Variants in NCOA1 observed in about 807,000 individuals in gnomAD.
NCOA1 encodes Hin-2 protein.
A neutral mutation model predicts 150.9 loss-of-function variants in NCOA1; 35 were observed. That is an observed-to-expected ratio of 0.23 (90% CI 0.18 to 0.31). The LOEUF (loss-of-function observed/expected upper bound fraction) is 0.31, where lower values mean the gene tolerates loss of function less well. Ranked by LOEUF, NCOA1 falls within the 10% of genes least tolerant of loss-of-function variation. The probability of loss-of-function intolerance (pLI) is 1.00; values close to 1 mark genes in which losing one functional copy is unlikely to be tolerated. For synonymous variants in NCOA1, 590 were observed against 630.0 expected (o/e 0.94, Z 0.95); for missense variants, 1,491 against 1,749.3 (o/e 0.85, Z 2.63).
intron 1 of NCOA1, among the ~76,000 whole-genome samples, chr2:24,506,762 C>A (rs1467547021): frequency 6.6e-6 from 1 of 152,064 alleles, no homozygotes; most frequent in Non-Finnish European, 1.5e-5. Context: ...ATTAAAAAAA[C>A]CTAGAAACAG....
chr2:24,717,080 C>T (rs1217130699), intron 14 of NCOA1, among the ~76,000 whole-genome samples: 1 of 152,130 alleles, frequency 6.6e-6, no homozygotes, highest in Non-Finnish European at 1.5e-5. Context: ...ACTCATATGT[C>T]ATTAGAAAAT....
At chr2:24,529,705 A>G (rs572686943) in intron 1 of NCOA1, among the ~76,000 whole-genome samples, 124 of 152,282 alleles carry the variant, frequency 8.1e-4, no homozygotes, top group African/African-American at 2.8e-3. Context: ...ACTTTTTAAC[A>G]CTTTCCTCCA....
At chr2:24,694,838 A>G (rs149359160) in intron 10 of NCOA1, among the ~76,000 whole-genome samples, 3 of 151,968 alleles carry the variant, frequency 2.0e-5, no homozygotes, top group Admixed American at 2.0e-4. Flanking sequence ...TTTTTTTTTA[A>G]TTATTGAAAA....
At chr2:24,496,932 T>A (rs1460747664) in intron 1 of NCOA1, among the ~76,000 whole-genome samples, 2 of 152,136 alleles carry the variant, frequency 1.3e-5, no homozygotes, top group African/African-American at 4.8e-5. Context: ...TAAAAAGGTA[T>A]TAATTAGGAA....
At chr2:24,541,983 T>C (rs1010082189) in intron 1 of NCOA1, among the ~76,000 whole-genome samples, 15 of 152,170 alleles carry the variant, frequency 9.9e-5, no homozygotes, top group African/African-American at 3.1e-4. Context: ...GAAAACAAAA[T>C]CATTAATATT....
At chr2:24,725,776 A>G (rs1674587559) in intron 14 of NCOA1, among the ~76,000 whole-genome samples, 1 of 151,710 alleles carries the variant, frequency 6.6e-6, no homozygotes, top group Non-Finnish European at 1.5e-5. Flanking sequence ...TTTTATATTA[A>G]TATATATGAA....
chr2:24,530,133 G>T (rs1352357862), intron 1 of NCOA1, among the ~76,000 whole-genome samples: 2 of 152,172 alleles, frequency 1.3e-5, no homozygotes, highest in Admixed American at 6.5e-5. Context: ...CATCACATTT[G>T]TAAGTCTTTT....
chr2:24,633,233 T>TA (rs1247904659), intron 3 of NCOA1, among the ~76,000 whole-genome samples: 10 of 150,874 alleles, frequency 6.6e-5, no homozygotes, highest in South Asian at 2.1e-4. Flanking sequence ...ATGGGATATT[T>TA]AAAAAAAAAC....
At chr2:24,603,300 G>A (rs910456596) in intron 3 of NCOA1, among the ~76,000 whole-genome samples, 6 of 152,170 alleles carry the variant, frequency 3.9e-5, no homozygotes. Flanking sequence ...AATGTTGATG[G>A]TTGCTGACTA....
rs1665198939 is a variant in NCOA1, at chr2:24,768,851, A to C, written c.*460A>C. 1 of 224,404 alleles carries C rather than the reference A, an allele frequency of 4.5e-6. No individual in the cohort carries two copies. Among genetic ancestry groups the C allele is most frequent in the Non-Finnish European group, 8.9e-6 (1 of 112,258 alleles). 13.9% of individuals were successfully genotyped at this position (224,404 alleles called of 1,614,324 possible). ...CCACCAAAGGCTGTCATGTGTCTCG[A>C]AATCAGCAGCCCTCCCCATCCCAAT... On this transcript the variant is annotated 3_prime_UTR_variant, in exon 23 of 23. Transcript: ENST00000348332.
In NCOA1 at chr2:24,693,027, A is replaced by AT. The variant is rs367877390; in HGVS notation, c.713-218dup. Among the ~76,000 whole-genome samples the AT allele has an allele frequency of 1.4e-3, 219 of 152,122 alleles. 1 individual carries two copies. The highest frequency in any genetic ancestry group is 4.9e-3 in the African/African-American group (203 of 41,500). On this transcript the variant is annotated intron_variant, in intron 9 of 22. Transcript: ENST00000348332. ...AGGCGCCCGCCACCATGCCCGGCTA[A>AT]TTTTTTTGTGTTTTTTAGTAGATAC...
At chr2:24,523,290 A>G (rs1211335906) in intron 1 of NCOA1, among the ~76,000 whole-genome samples, 1 of 152,128 alleles carries the variant, frequency 6.6e-6, no homozygotes, top group East Asian at 1.9e-4. Context: ...TTCTCCCCAT[A>G]CATCATGGGT....
At chr2:24,594,987 CA>C (rs1296368854) in intron 3 of NCOA1, among the ~76,000 whole-genome samples, 1 of 151,714 alleles carries the variant, frequency 6.6e-6, no homozygotes, top group Non-Finnish European at 1.5e-5. Flanking sequence ...TTAAATGGGC[CA>C]AATGTTTGTT....
chr2:24,540,530 C>T (rs1237634703), intron 1 of NCOA1, among the ~76,000 whole-genome samples: 1 of 151,286 alleles, frequency 6.6e-6, no homozygotes, highest in Non-Finnish European at 1.5e-5. Context: ...GCGATCTTGG[C>T]TCACTGCAAC....
intron 1 of NCOA1, among the ~76,000 whole-genome samples, chr2:24,537,242 AC>A (rs1665189310): frequency 1.2e-4 from 3 of 25,092 alleles, no homozygotes; most frequent in African/African-American, 2.1e-4. Flanking sequence ...TGATACATAC[AC>A]ACACACACAC....
At chr2:24,705,359 G>T in intron 12 of NCOA1, 126 bp downstream of exon 12, 1 of 885,046 alleles carries the variant, frequency 1.1e-6, no homozygotes. Context: ...CTAGTGTGAT[G>T]AGTATATATA....
chr2:24,582,349 T>C (rs2148311851), intron 2 of NCOA1, among the ~76,000 whole-genome samples: 1 of 152,126 alleles, frequency 6.6e-6, no homozygotes, highest in African/African-American at 2.4e-5. Flanking sequence ...AGCAATTCTA[T>C]TTACAATAAC....
chr2:24,664,714 A>G (rs1289161292), intron 5 of NCOA1, among the ~76,000 whole-genome samples: 2 of 152,148 alleles, frequency 1.3e-5, no homozygotes. Flanking sequence ...CTCAAAAAAA[A>G]AAGAAAAAGA....
chr2:24,563,968 G>C (rs1666393874), intron 1 of NCOA1, among the ~76,000 whole-genome samples: 1 of 152,040 alleles, frequency 6.6e-6, no homozygotes, highest in South Asian at 2.1e-4. Context: ...GGATACTCAG[G>C]CTACTGCTGC....
Sources: gnomAD v4.1 joint callset for allele counts (sites outside exome capture counted in the v4.1 genomes callset) on GRCh38, gnomAD v4.1.1 for gene constraint, MANE v1.5 for transcripts, NCBI Gene and HGNC (gene_info 2026-07-23, HGNC 2026-07-21) for gene names.